Variants in MIER2 observed in about 807,000 individuals in gnomAD.
The protein encoded by MIER2 is MIER family member 2, also known as mesoderm induction early response protein 2.
MIER2 carries 30 observed loss-of-function variants against 67.6 expected under a neutral mutation model. The ratio of observed to expected loss-of-function variants is 0.44; its 90% confidence interval spans 0.33 to 0.60. MIER2 has a LOEUF of 0.60. Ranked by LOEUF, MIER2 falls within the 20% of genes least tolerant of loss-of-function variation. MIER2 has a pLI of 0.02. For synonymous variants in MIER2, 372 were observed against 312.6 expected, an observed-to-expected ratio of 1.19 and a Z score of -2.00; for missense variants, 702 against 745.1, an observed-to-expected ratio of 0.94 and a Z score of 0.67.
intron 7 of MIER2, among the ~76,000 whole-genome samples, chr19:318,761 A>T (rs1197874942): frequency 6.6e-6 from 1 of 152,172 alleles, no homozygotes; most frequent in Non-Finnish European, 1.5e-5. Flanking sequence ...TTCAATTAAA[A>T]ATCAGTAAAA....
At chr19:338,030 G>A (rs1972341559) in intron 1 of MIER2, among the ~76,000 whole-genome samples, 1 of 151,076 alleles carries the variant, frequency 6.6e-6, no homozygotes, top group South Asian at 2.1e-4. Flanking sequence ...AAATTAGCTG[G>A]GTGTGGTGGC....
intron 3 of MIER2, 134 bp downstream of exon 3, chr19:334,266 A>G (rs1324486704): frequency 1.5e-6 from 2 of 1,291,102 alleles, no homozygotes. Flanking sequence ...AGCTACTAGG[A>G]CAGCATCTGG....
chr19:320,124 C>T (rs918943414), intron 7 of MIER2, among the ~76,000 whole-genome samples: 43 of 152,052 alleles, frequency 2.8e-4, no homozygotes, highest in Non-Finnish European at 1.5e-4. Flanking sequence ...AGTGTAATCC[C>T]GGCACTCTGG....
chr19:327,199 C>T lies in MIER2; in HGVS notation c.427G>A (p.Ala143Thr). Residue 143 changes from alanine (A) to threonine (T), a missense_variant, in exon 5 of 14, where the codon GCT becomes ACT. Ala to Thr is a moderately conservative substitution (Grantham distance 58). Around this residue, in one of 3 missense-constraint regions of MIER2, gnomAD observed 320 missense variants for 292.6 expected, o/e 1.09. Transcript: ENST00000264819. ...GTCACGGACGGGGTGAGGTCGTCAG[C>T]AGATGATTGCGTCTCTTCCTCTTCT... Reference protein sequence around the residue: ...GEEEEETQSSADDLTPSVTSH... With the variant: ...GEEEEETQSSTDDLTPSVTSH... The T allele has an allele frequency of 6.3e-7, 1 of 1,593,800 alleles. No individual in the cohort carries two copies. Among genetic ancestry groups the T allele is most frequent in the Non-Finnish European group, 8.5e-7 (1 of 1,174,162 alleles).
rs139061333 is a variant in MIER2, at chr19:327,194, G to A, written c.432C>T (p.Asp144=). The part of the protein sequence containing the change: ...EEEEETQSSA[D]DLTPSVTSHE... ...GGGAGGTCACGGACGGGGTGAGGTC[G>A]TCAGCAGATGATTGCGTCTCTTCCT... is the stretch of plus-strand genomic sequence containing the variant. Residue 144 remains aspartate (D), a synonymous_variant, in exon 5 of 14, where the codon GAC becomes GAT. Transcript: ENST00000264819. 60 of 1,594,054 alleles carry A rather than the reference G, an allele frequency of 3.8e-5. No individual in the cohort carries two copies. The highest frequency in any genetic ancestry group is 7.4e-5 in the Admixed American group (4 of 53,880).
At chr19:330,572 A>C (rs1971979527) in intron 3 of MIER2, among the ~76,000 whole-genome samples, 1 of 151,830 alleles carries the variant, frequency 6.6e-6, no homozygotes, top group Non-Finnish European at 1.5e-5. Context: ...AAAAAAAAAA[A>C]ACTTATGATA....
At chr19:315,369 C>T (rs1971194343) in intron 7 of MIER2, among the ~76,000 whole-genome samples, 1 of 152,048 alleles carries the variant, frequency 6.6e-6, no homozygotes, top group African/African-American at 2.4e-5. Context: ...CCGTCTCAAA[C>T]AAACAAACAA....
chr19:341,894 A>G (rs8101526), intron 1 of MIER2, among the ~76,000 whole-genome samples: 89,881 of 151,542 alleles, frequency 0.59, 27,412 homozygotes, highest in South Asian at 0.71. Context: ...AGACTGCACC[A>G]GAGGACTGGG....
At chr19:313,255 CA>C (rs1286517484) in intron 8 of MIER2, among the ~76,000 whole-genome samples, 4 of 152,138 alleles carry the variant, frequency 2.6e-5, no homozygotes, top group Non-Finnish European at 5.9e-5. Context: ...GGAGTGACAT[CA>C]GGGGTGTCTA....
chr19:326,307 G>A (rs537475207), intron 6 of MIER2, among the ~76,000 whole-genome samples, 200 bp downstream of exon 6: 8 of 151,410 alleles, frequency 5.3e-5, no homozygotes, highest in Non-Finnish European at 1.0e-4. Flanking sequence ...CCAGGTTGGG[G>A]ACACGGCAGA....
intron 10 of MIER2, among the ~76,000 whole-genome samples, chr19:310,680 A>AGCCCGGAGCTGTAGAAACACG (rs1970949852): frequency 1.8e-5 from 1 of 54,238 alleles, no homozygotes; most frequent in African/African-American, 1.8e-4. Flanking sequence ...CCAGAAACAC[A>AGCCCGGAGCTGTAGAAACACG]GCCCAGAGCT....
chr19:318,970 TGG>T, intron 7 of MIER2, among the ~76,000 whole-genome samples: 1 of 145,906 alleles, frequency 6.9e-6, no homozygotes, highest in Admixed American at 7.0e-5. Flanking sequence ...GACAGGAGAA[TGG>T]CGTGAACCCA....
chr19:319,439 G>T (rs1006547892), intron 7 of MIER2, among the ~76,000 whole-genome samples: 1 of 152,190 alleles, frequency 6.6e-6, no homozygotes, highest in East Asian at 1.9e-4. Flanking sequence ...CCTTTGTAAA[G>T]AGTAATACAA....
At chr19:335,032 G>A (rs1221197951) in intron 2 of MIER2, among the ~76,000 whole-genome samples, 1 of 152,150 alleles carries the variant, frequency 6.6e-6, no homozygotes, top group East Asian at 1.9e-4. Flanking sequence ...CTTAAGCTCC[G>A]TCTGCAGGGC....
intron 3 of MIER2, 25 bp from the exon 4 acceptor site, chr19:328,014 C>G (rs767443981): frequency 6.2e-7 from 1 of 1,611,696 alleles, no homozygotes; most frequent in East Asian, 2.2e-5. Context: ...GGAACAAGGC[C>G]CCATCAGGAG....
chr19:306,591 G>T lies in MIER2; in HGVS notation c.*99C>A. The T allele has an allele frequency of 6.7e-7, 1 of 1,483,952 alleles. No homozygotes were observed. 91.9% of individuals were successfully genotyped at this position (1,483,952 alleles called of 1,614,324 possible). On this transcript the variant is annotated 3_prime_UTR_variant, in exon 14 of 14. Transcript: ENST00000264819. The stretch of plus-strand genomic sequence containing the variant: ...AAGCAGAAGGAGGTGCTACCCCAAG[G>T]CCCGGGGGGTGGGGAAGGGGTCAGG...
At chr19:311,626 T>C (rs1971005456) in intron 10 of MIER2, among the ~76,000 whole-genome samples, 1 of 152,110 alleles carries the variant, frequency 6.6e-6, no homozygotes, top group Non-Finnish European at 1.5e-5. Flanking sequence ...TGCCACATTC[T>C]TTCCCAAAGC....
At chr19:321,371 G>A (rs1358039325) in intron 7 of MIER2, among the ~76,000 whole-genome samples, 4 of 152,192 alleles carry the variant, frequency 2.6e-5, no homozygotes, top group Admixed American at 6.5e-5. Flanking sequence ...TGGGCCGGGC[G>A]CAGGGGCTCA....
At chr19:316,926 A>T (rs1971259558) in intron 7 of MIER2, among the ~76,000 whole-genome samples, 1 of 152,034 alleles carries the variant, frequency 6.6e-6, no homozygotes, top group Non-Finnish European at 1.5e-5. Flanking sequence ...CCGAGATCAC[A>T]CCACTGTACT....
Sources: gnomAD v4.1 joint callset for allele counts (sites outside exome capture counted in the v4.1 genomes callset) on GRCh38, gnomAD v4.1.1 for gene constraint, gnomAD v4.1.1 regional missense constraint, MANE v1.5 for transcripts, NCBI Gene and HGNC (gene_info 2026-07-23, HGNC 2026-07-21) for gene names.